ARMC8: variants seen among roughly 807,000 people sequenced by gnomAD.
The protein encoded by ARMC8 is armadillo repeat containing 8.
ARMC8 carries 20 observed loss-of-function variants against 99.3 expected under a neutral mutation model. That is an observed-to-expected ratio of 0.20 (90% CI 0.14 to 0.29). The LOEUF is 0.29. ARMC8 is among the 10% of genes least tolerant of loss of function. The pLI is 1.00. For missense variants in ARMC8, 569 were observed against 809.5 expected (o/e 0.70, Z 3.60); for synonymous variants, 263 against 278.3 (o/e 0.95, Z 0.55).
At chr3:138,251,178 A>AT (rs2047108224) in intron 12 of ARMC8, among the ~76,000 whole-genome samples, 1 of 152,134 alleles carries the variant, frequency 6.6e-6, no homozygotes, top group South Asian at 2.1e-4. Context: ...AAAAAAAAAA[A>AT]AGATTGCTGA....
intron 6 of ARMC8, among the ~76,000 whole-genome samples, chr3:138,230,394 T>C (rs1286055239): frequency 6.6e-6 from 1 of 152,178 alleles, no homozygotes; most frequent in Admixed American, 6.5e-5. Flanking sequence ...CTCACACCTG[T>C]AATCTCAGCA....
intron 1 of ARMC8, among the ~76,000 whole-genome samples, chr3:138,193,712 A>G (rs537090930): frequency 4.6e-5 from 7 of 152,370 alleles, no homozygotes; most frequent in Middle Eastern, 3.4e-3. Flanking sequence ...AAAGTAACTC[A>G]AAATGGATCA....
chr3:138,262,573 T>A (rs1368899591), intron 12 of ARMC8: 12 of 1,611,266 alleles, frequency 7.4e-6, no homozygotes, highest in Non-Finnish European at 8.5e-6. Flanking sequence ...ACCTTGGCTG[T>A]GTACTGGACT....
intron 1 of ARMC8, among the ~76,000 whole-genome samples, chr3:138,209,384 CT>C (rs948591122): frequency 6.6e-6 from 1 of 152,080 alleles, no homozygotes; most frequent in African/African-American, 2.4e-5. Flanking sequence ...TTGTCATGAG[CT>C]TTTTTTCAGA....
At chr3:138,210,897 T>G (rs954552085) in intron 2 of ARMC8, among the ~76,000 whole-genome samples, 6 of 151,974 alleles carry the variant, frequency 3.9e-5, no homozygotes, top group African/African-American at 1.5e-4. Flanking sequence ...GCTATTCAAA[T>G]TGAGCTGGAA....
chr3:138,263,503 TAAAC>T (rs2047957717), intron 12 of ARMC8: 1 of 534,948 alleles, frequency 1.9e-6, no homozygotes, highest in Non-Finnish European at 3.4e-6. Flanking sequence ...TCTTTAAAAA[TAAAC>T]AACATAACCT....
At position 138,284,535 on chromosome 3, in the gene ARMC8, T is replaced by C; in HGVS notation, c.1821+9T>C. Reference sequence around the variant, plus strand: ...AAATCAAGTATTACATGGTGAGCCCTTGTCCCCTTTCACCGTAGGATTAGA... The same window carrying C: ...AAATCAAGTATTACATGGTGAGCCCCTGTCCCCTTTCACCGTAGGATTAGA... On this transcript the variant is annotated intron_variant, in intron 19 of 21. Transcript: ENST00000469044. The C allele has an allele frequency of 1.3e-6, 2 of 1,581,958 alleles. No homozygotes were observed. Among genetic ancestry groups the C allele is most frequent in the Non-Finnish European group, 1.7e-6 (2 of 1,150,888 alleles).
At chr3:138,258,350 G>GC (rs2047505185) in intron 12 of ARMC8, among the ~76,000 whole-genome samples, 1 of 152,192 alleles carries the variant, frequency 6.6e-6, no homozygotes. Context: ...AGTTTGTCTT[G>GC]TTTTTTCAAA....
At chr3:138,224,881 C>G (rs1459389867) in intron 5 of ARMC8, among the ~76,000 whole-genome samples, 2 of 152,168 alleles carry the variant, frequency 1.3e-5, no homozygotes, top group Admixed American at 1.3e-4. Flanking sequence ...GAGGAATTTA[C>G]AAGCTATTTT....
intron 19 of ARMC8, among the ~76,000 whole-genome samples, chr3:138,286,187 C>T (rs142904660): frequency 0.022 from 3,398 of 152,304 alleles, 52 homozygotes; most frequent in South Asian, 0.071. Flanking sequence ...AAATGATCCA[C>T]CTGTCTCGGC....
intron 3 of ARMC8, among the ~76,000 whole-genome samples, chr3:138,222,860 C>A (rs1264307109): frequency 6.6e-6 from 1 of 152,130 alleles, no homozygotes; most frequent in Non-Finnish European, 1.5e-5. Flanking sequence ...GCAAGCTGGG[C>A]TGGAGTGGAA....
intron 12 of ARMC8, among the ~76,000 whole-genome samples, chr3:138,247,328 C>A (rs184821989): frequency 2.2e-4 from 34 of 152,068 alleles, no homozygotes; most frequent in Admixed American, 2.1e-3. Flanking sequence ...AATGTTTATG[C>A]TTGCCAAGAT....
At chr3:138,220,577 T>A (rs967971580) in intron 2 of ARMC8, among the ~76,000 whole-genome samples, 3 of 152,126 alleles carry the variant, frequency 2.0e-5, no homozygotes, top group Non-Finnish European at 4.4e-5. Context: ...TCTGCAATAA[T>A]CAAAAAAGGC....
rs899989984 is a variant in ARMC8, at chr3:138,270,137, G to A, written c.1479+5G>A. 10 of 1,584,562 alleles carry A rather than the reference G, an allele frequency of 6.3e-6. No homozygotes were observed. The highest frequency in any genetic ancestry group is 2.2e-5 in the East Asian group (1 of 44,722). On this transcript the variant is annotated splice_donor_5th_base_variant and intron_variant, in intron 16 of 21. Transcript: ENST00000469044. ...AATGGAATTTGGGCTTTAATGGTAC[G>A]TTTCACTTTTATATATATCATAACT...
intron 1 of ARMC8, chr3:138,188,561 T>C (rs753875108): frequency 6.2e-7 from 1 of 1,613,882 alleles, no homozygotes. Context: ...TTTGCTATTG[T>C]TGGAAACAAG....
chr3:138,270,344 T>G (rs1170909984), intron 16 of ARMC8, among the ~76,000 whole-genome samples: 1 of 152,238 alleles, frequency 6.6e-6, no homozygotes, highest in Non-Finnish European at 1.5e-5. Flanking sequence ...TTCTCTTATT[T>G]ATTATTAAGA....
At chr3:138,282,979 C>CT (rs2050082281) in intron 18 of ARMC8, among the ~76,000 whole-genome samples, 1 of 152,238 alleles carries the variant, frequency 6.6e-6, no homozygotes, top group African/African-American at 2.4e-5. Flanking sequence ...CACCAGAAAT[C>CT]TGACACCTTC....
chr3:138,214,430 T>C (rs1189571586), intron 2 of ARMC8, among the ~76,000 whole-genome samples: 1 of 152,070 alleles, frequency 6.6e-6, no homozygotes, highest in Non-Finnish European at 1.5e-5. Flanking sequence ...TGAGTTTATT[T>C]TGGTAATGAT....
At chr3:138,269,656 A>C (rs1463586424) in intron 15 of ARMC8, among the ~76,000 whole-genome samples, 1 of 152,182 alleles carries the variant, frequency 6.6e-6, no homozygotes, top group African/African-American at 2.4e-5. Context: ...ATGTACACAT[A>C]AAGCAGAAAG....
Sources: allele counts gnomAD v4.1 joint callset (sites outside exome capture counted in the v4.1 genomes callset), GRCh38; gene constraint gnomAD v4.1.1; transcripts MANE v1.5; gene names NCBI Gene and HGNC (gene_info 2026-07-23, HGNC 2026-07-21).